The following TMEM132D variants were observed in gnomAD, a reference collection of about 807,000 sequenced individuals.
The protein encoded by TMEM132D is mature OL transmembrane protein.
Under a neutral mutation model 62.3 loss-of-function variants are expected in TMEM132D, and 21 were observed. The observed-to-expected ratio is 0.34, with a 90% CI of 0.24 to 0.49. TMEM132D has a LOEUF of 0.49. Among genes scored for constraint, TMEM132D ranks in the 20% least tolerant of loss-of-function variants. The pLI, the probability that TMEM132D is intolerant of heterozygous loss-of-function variation, is 0.99. For missense variants in TMEM132D, 1,346 were observed against 1,402.8 expected (o/e 0.96, Z 0.65); for synonymous variants, 621 against 575.6 (o/e 1.08, Z -1.13).
chr12:129,159,758 CAA>C (rs1188064357), intron 5 of TMEM132D, among the ~76,000 whole-genome samples: 8 of 27,400 alleles, frequency 2.9e-4, no homozygotes, highest in African/African-American at 5.7e-4. Context: ...GACTCGGGCT[CAA>C]AAAAAAAAAA....
chr12:129,084,434 C>T (rs2135619243), intron 6 of TMEM132D, 63 bp downstream of exon 6: 1 of 1,481,346 alleles, frequency 6.8e-7, no homozygotes, highest in Non-Finnish European at 9.0e-7. Context: ...CCAGTCATGC[C>T]CAAATTTACC....
At chr12:129,130,265 C>G (rs1876335889) in intron 5 of TMEM132D, among the ~76,000 whole-genome samples, 1 of 152,068 alleles carries the variant, frequency 6.6e-6, no homozygotes, top group African/African-American at 2.4e-5. Flanking sequence ...GGTCCCATCT[C>G]CTTCTGGGGA....
intron 3 of TMEM132D, among the ~76,000 whole-genome samples, chr12:129,529,994 T>G (rs1293058389): frequency 6.6e-6 from 1 of 152,192 alleles, no homozygotes; most frequent in Non-Finnish European, 1.5e-5. Context: ...ACAGATTTTC[T>G]CTTTTCCCTC....
At chr12:129,530,753 A>G (rs1185029656) in intron 3 of TMEM132D, among the ~76,000 whole-genome samples, 1 of 152,180 alleles carries the variant, frequency 6.6e-6, no homozygotes, top group Non-Finnish European at 1.5e-5. Flanking sequence ...TCCTCCAATA[A>G]CATGGACTAG....
chr12:129,790,026 A>G (rs1235086596), intron 1 of TMEM132D, among the ~76,000 whole-genome samples: 1 of 152,226 alleles, frequency 6.6e-6, no homozygotes, highest in East Asian at 1.9e-4. Flanking sequence ...CGCAGGTGCT[A>G]GAACTAGCGG....
intron 4 of TMEM132D, among the ~76,000 whole-genome samples, chr12:129,266,930 G>A (rs1206273083): frequency 6.6e-6 from 1 of 152,082 alleles, no homozygotes; most frequent in Non-Finnish European, 1.5e-5. Context: ...CCCAGCCCCA[G>A]TCTGTTTTTT....
At chr12:129,198,213 T>C (rs899757219) in intron 5 of TMEM132D, among the ~76,000 whole-genome samples, 1 of 152,214 alleles carries the variant, frequency 6.6e-6, no homozygotes, top group Non-Finnish European at 1.5e-5. Context: ...AAGGGAACTT[T>C]TGTACACTGT....
At chr12:129,801,747 G>C (rs879269856) in intron 1 of TMEM132D, among the ~76,000 whole-genome samples, 2 of 148,682 alleles carry the variant, frequency 1.3e-5, no homozygotes, top group Non-Finnish European at 3.0e-5. Flanking sequence ...TCTGAGCTAC[G>C]GGAGGACATT....
intron 1 of TMEM132D, among the ~76,000 whole-genome samples, chr12:129,749,890 C>A (rs985273896): frequency 1.3e-5 from 2 of 152,172 alleles, no homozygotes; most frequent in Non-Finnish European, 2.9e-5. Flanking sequence ...CCAAGAAAGT[C>A]AGTTAGTGCA....
intron 4 of TMEM132D, among the ~76,000 whole-genome samples, chr12:129,232,833 G>A (rs1204653980): frequency 6.6e-6 from 1 of 151,928 alleles, no homozygotes; most frequent in Non-Finnish European, 1.5e-5. Context: ...GAGATAAAGA[G>A]AGAGAGAGAG....
At chr12:129,783,819 G>A (rs1043222302) in intron 1 of TMEM132D, among the ~76,000 whole-genome samples, 2 of 152,210 alleles carry the variant, frequency 1.3e-5, no homozygotes, top group Non-Finnish European at 2.9e-5. Context: ...TGTAAGTTGT[G>A]TCCCCACATA....
intron 4 of TMEM132D, among the ~76,000 whole-genome samples, chr12:129,261,968 T>C (rs925475868): frequency 1.3e-5 from 2 of 152,114 alleles, no homozygotes; most frequent in Admixed American, 1.3e-4. Flanking sequence ...TAAAAAGGGA[T>C]AAATCGATGA....
rs1243665262 is a variant in TMEM132D at position 129,616,401 on chromosome 12, A to G, written c.968+83409T>C. On this transcript the variant is annotated intron_variant, in intron 2 of 8. Coordinates refer to ENST00000422113, the MANE Select transcript of TMEM132D (RefSeq NM_133448.3). ...GGCCTTCTTTTTCATTGAGGGGCAC[A>G]GTGGTGTGGTTGTATTTGCTGATAT... is the stretch of plus-strand genomic sequence containing the variant. 2.0e-5 allele frequency among the ~76,000 whole-genome samples: 3 copies of G among 152,134 alleles called. No individual in the cohort carries two copies. The East Asian group carries it at 5.8e-4, about 29-fold the overall frequency.
At chr12:129,087,906 C>A (rs1874681185) in intron 5 of TMEM132D, among the ~76,000 whole-genome samples, 1 of 129,432 alleles carries the variant, frequency 7.7e-6, no homozygotes, top group South Asian at 2.6e-4. Context: ...TCCTCCCTGA[C>A]CGGGGTGTCC....
chr12:129,080,767 C>T (rs1874421924), intron 7 of TMEM132D, among the ~76,000 whole-genome samples: 1 of 152,290 alleles, frequency 6.6e-6, no homozygotes, highest in East Asian at 1.9e-4. Context: ...CACTTGCACC[C>T]CTTACATGTA....
chr12:129,402,623 T>A (rs1303762368), intron 3 of TMEM132D, among the ~76,000 whole-genome samples: 1 of 152,198 alleles, frequency 6.6e-6, no homozygotes, highest in Admixed American at 6.5e-5. Flanking sequence ...CAGGCTGGAG[T>A]GCAGTGGCGC....
intron 2 of TMEM132D, among the ~76,000 whole-genome samples, chr12:129,615,375 T>A (rs1878885451): frequency 6.6e-6 from 1 of 152,048 alleles, no homozygotes; most frequent in South Asian, 2.1e-4. Context: ...AGGAGGGTTT[T>A]CAGTTCATCG....
intron 3 of TMEM132D, among the ~76,000 whole-genome samples, chr12:129,357,692 A>G (rs533577915): frequency 4.1e-4 from 62 of 150,232 alleles, no homozygotes; most frequent in African/African-American, 1.4e-3. Context: ...AGAGAGAGAG[A>G]GAAGTGAGTG....
At chr12:129,195,368 G>T (rs186306224) in intron 5 of TMEM132D, among the ~76,000 whole-genome samples, 1 of 152,126 alleles carries the variant, frequency 6.6e-6, no homozygotes. Context: ...GATGGAATAG[G>T]CCTTAGAGGC....
Sources: gnomAD v4.1 joint callset for allele counts (sites outside exome capture counted in the v4.1 genomes callset) on GRCh38, gnomAD v4.1.1 for gene constraint, MANE v1.5 for transcripts, NCBI Gene and HGNC (gene_info 2026-07-23, HGNC 2026-07-21) for gene names.